Variants in PCSK5 observed in about 807,000 individuals in gnomAD.
PCSK5 encodes the protein proprotein convertase subtilisin/kexin type 5, also known as prohormone convertase 5.
PCSK5 carries 129 observed loss-of-function variants against 233.2 expected under a neutral mutation model. The observed-to-expected ratio is 0.55, with a 90% confidence interval of 0.48 to 0.64. The LOEUF (loss-of-function observed/expected upper bound fraction) is 0.64. PCSK5 is among the 30% of genes least tolerant of loss of function. PCSK5 has a pLI of 0.00. For missense variants in PCSK5, 2,076 were observed against 2,430.1 expected, an observed-to-expected ratio of 0.85 and a Z score of 3.06; for synonymous variants, 825 against 879.2, an observed-to-expected ratio of 0.94 and a Z score of 1.09.
rs1379231068 is a variant in PCSK5, at chr9:76,310,637, C to G, written c.3689-19C>G. On this transcript the variant is annotated intron_variant, in intron 29 of 37. Transcript: ENST00000674117. ...CACATGATGACTATTCCCATCTTCC[C>G]TCTTCCCTGAATTTCTAGGTGCATA... 7 of 1,510,146 alleles carry G rather than the reference C, an allele frequency of 4.6e-6. No individual in the cohort carries two copies. Among genetic ancestry groups the G allele is most frequent in the Non-Finnish European group, 6.2e-6 (7 of 1,124,624 alleles). 93.5% of individuals were successfully genotyped at this position (1,510,146 alleles called of 1,614,324 possible).
At chr9:76,100,443 C>A (rs566361969) in intron 8 of PCSK5, among the ~76,000 whole-genome samples, 2 of 152,322 alleles carry the variant, frequency 1.3e-5, no homozygotes, top group Middle Eastern at 3.4e-3. Context: ...TCTTGGGAAA[C>A]CCTATGCAGA....
intron 21 of PCSK5, among the ~76,000 whole-genome samples, chr9:76,229,163 T>C (rs905485006): frequency 2.6e-5 from 4 of 152,248 alleles, no homozygotes; most frequent in African/African-American, 9.6e-5. Flanking sequence ...AAATATTGAA[T>C]TTGCTTTAAA....
At chr9:76,067,033 A>G (rs12006265) in intron 5 of PCSK5, among the ~76,000 whole-genome samples, 6,261 of 152,284 alleles carry the variant, frequency 0.041, 378 homozygotes, top group African/African-American at 0.13. Flanking sequence ...GGCAGACATT[A>G]GAGGTCAGTC....
At chr9:75,916,004 TTATTTGACATA>T (rs746248340) in intron 1 of PCSK5, among the ~76,000 whole-genome samples, 9 of 152,240 alleles carry the variant, frequency 5.9e-5, no homozygotes, top group Non-Finnish European at 1.0e-4. Flanking sequence ...TTCTTTGGGC[TTATTTGACATA>T]TATTTAAGAC....
chr9:76,253,614 T>C (rs1182553114), intron 24 of PCSK5, among the ~76,000 whole-genome samples: 3 of 152,252 alleles, frequency 2.0e-5, no homozygotes, highest in Non-Finnish European at 4.4e-5. Flanking sequence ...TCTGCTTTCC[T>C]ATCACTTGTT....
rs888612446 is a variant in PCSK5, at chr9:76,335,704, C to A, written c.4749-2526C>A. Among the ~76,000 whole-genome samples, 5 of 152,188 alleles carry A rather than the reference C, an allele frequency of 3.3e-5. 1 individual carries two copies. The highest frequency in any genetic ancestry group is 1.2e-4 in the African/African-American group (5 of 41,444). ...AACCTACTTAGAATTGATAAGCTTT[C>A]TTTCCCACAGTTCCTACTGATGCTT... On this transcript the variant is annotated intron_variant, in intron 34 of 37. Coordinates refer to ENST00000674117, the MANE Select transcript of PCSK5 (RefSeq NM_001372043.1).
intron 1 of PCSK5, among the ~76,000 whole-genome samples, chr9:75,921,259 C>G (rs1217441963): frequency 6.6e-6 from 1 of 152,120 alleles, no homozygotes; most frequent in African/African-American, 2.4e-5. Flanking sequence ...AAGTCAGAAT[C>G]AGAATCTCTG....
intron 10 of PCSK5, among the ~76,000 whole-genome samples, chr9:76,141,716 A>C (rs1398507386): frequency 6.6e-6 from 1 of 152,114 alleles, no homozygotes; most frequent in East Asian, 1.9e-4. Context: ...GTATAAATTA[A>C]ATTATTTGAA....
intron 24 of PCSK5, among the ~76,000 whole-genome samples, chr9:76,282,196 C>A (rs1415097712): frequency 8.0e-6 from 1 of 125,446 alleles, no homozygotes; most frequent in Non-Finnish European, 1.6e-5. Flanking sequence ...TAGCTCACTG[C>A]AGCCTCAAAC....
intron 9 of PCSK5, among the ~76,000 whole-genome samples, chr9:76,129,132 G>C (rs1488733784): frequency 6.6e-6 from 1 of 152,236 alleles, no homozygotes; most frequent in East Asian, 1.9e-4. Context: ...AATACTTTCT[G>C]CTTCATCTTT....
chr9:76,332,924 C>T (rs539715978), intron 34 of PCSK5, among the ~76,000 whole-genome samples: 1 of 152,328 alleles, frequency 6.6e-6, no homozygotes, highest in South Asian at 2.1e-4. Context: ...TGCCTGTAAT[C>T]CCAACTACGT....
At chr9:75,907,226 A>G (rs1332095173) in intron 1 of PCSK5, among the ~76,000 whole-genome samples, 2 of 151,760 alleles carry the variant, frequency 1.3e-5, no homozygotes, top group Non-Finnish European at 2.9e-5. Context: ...CTTAATTATT[A>G]CTCTGTAGCA....
At chr9:75,922,426 G>C (rs1341893143) in intron 1 of PCSK5, among the ~76,000 whole-genome samples, 1 of 152,172 alleles carries the variant, frequency 6.6e-6, no homozygotes, top group East Asian at 1.9e-4. Context: ...AGACGTTACA[G>C]ATGGCTTGTC....
chr9:76,176,214 T>A (rs1159326355), intron 14 of PCSK5, among the ~76,000 whole-genome samples: 1 of 152,220 alleles, frequency 6.6e-6, no homozygotes, highest in Non-Finnish European at 1.5e-5. Context: ...TGAAGCTCTG[T>A]CTTTAGTTAT....
rs116842405 is a variant in PCSK5, at chr9:75,971,100, C to T, written c.298-15032C>T. Among the ~76,000 whole-genome samples the T allele has an allele frequency of 3.7e-3, 556 of 150,982 alleles. 8 individuals are homozygous for T. The highest frequency in any genetic ancestry group is 0.03 in the East Asian group (153 of 5,100). ...CCTTCTGCTCCCACCCCCACCCCCA[C>T]GACAGGCCCCAGTGTGTGTTGTTCC... is the stretch of plus-strand genomic sequence containing the variant. On this transcript the variant is annotated intron_variant, in intron 2 of 37. Coordinates refer to ENST00000674117, the MANE Select transcript of PCSK5 (RefSeq NM_001372043.1).
At chr9:76,220,391 G>T (rs944818675) in intron 20 of PCSK5, among the ~76,000 whole-genome samples, 1 of 152,000 alleles carries the variant, frequency 6.6e-6, no homozygotes, top group Non-Finnish European at 1.5e-5. Context: ...GCTGGGCGTG[G>T]TGGTGGGCGC....
At chr9:76,097,270 T>TTTTTTTTA (rs1831569488) in intron 8 of PCSK5, among the ~76,000 whole-genome samples, 1 of 138,164 alleles carries the variant, frequency 7.2e-6, no homozygotes, top group African/African-American at 3.0e-5. Flanking sequence ...TTTTTTTTTT[T>TTTTTTTTA]GAGACGGAGT....
At chr9:75,938,351 G>A (rs1410240087) in intron 2 of PCSK5, among the ~76,000 whole-genome samples, 5 of 152,144 alleles carry the variant, frequency 3.3e-5, no homozygotes, top group African/African-American at 9.7e-5. Context: ...CAGAACAAAC[G>A]CAACATTTAT....
intron 30 of PCSK5, among the ~76,000 whole-genome samples, chr9:76,316,543 G>C (rs562152984): frequency 3.3e-5 from 5 of 150,008 alleles, no homozygotes; most frequent in African/African-American, 7.4e-5. Context: ...GGGTAACATA[G>C]TAAGACCCCC....
Sources: allele counts gnomAD v4.1 joint callset (sites outside exome capture counted in the v4.1 genomes callset), GRCh38; gene constraint gnomAD v4.1.1; transcripts MANE v1.5; gene names NCBI Gene and HGNC (gene_info 2026-07-23, HGNC 2026-07-21).